DAGLA: variants seen among roughly 807,000 people sequenced by gnomAD.
DAGLA encodes diacylglycerol lipase-alpha.
In DAGLA, 22 loss-of-function variants were observed where a neutral mutation model predicts 102.6. The observed-to-expected ratio is 0.21, with a 90% confidence interval of 0.15 to 0.31. The LOEUF (loss-of-function observed/expected upper bound fraction) is 0.31. Among genes scored for constraint, DAGLA ranks in the 10% least tolerant of loss-of-function variants. DAGLA has a pLI of 1.00. For missense variants in DAGLA, 927 were observed against 1,446.6 expected, an observed-to-expected ratio of 0.64 and a Z score of 5.83; for synonymous variants, 578 against 628.9, an observed-to-expected ratio of 0.92 and a Z score of 1.21.
In DAGLA at chr11:61,743,934, G is replaced by C; in HGVS notation, c.2574G>C (p.Ala858=). Residue 858 remains alanine, a synonymous_variant, in exon 20 of 20, where the codon GCG becomes GCC. Coordinates refer to ENST00000257215, the MANE Select transcript of DAGLA (RefSeq NM_006133.3). ...KHSQDTQPLE[A]ALGSGGVTPE... ...CACAGGACACGCAGCCCCTGGAGGC[G>C]GCCCTGGGCAGTGGCGGCGTCACTC... is the stretch of plus-strand genomic sequence containing the variant. 6.2e-7 allele frequency: 1 copy of C among 1,612,066 alleles called. No homozygotes were observed. Among genetic ancestry groups the C allele is most frequent in the East Asian group, 2.2e-5 (1 of 44,870 alleles).
At chr11:61,742,050 A>C (rs921789654) in intron 19 of DAGLA, among the ~76,000 whole-genome samples, 2 of 152,234 alleles carry the variant, frequency 1.3e-5, no homozygotes, top group Non-Finnish European at 2.9e-5. Flanking sequence ...ACAGACATGC[A>C]CATGTACAAG....
At chr11:61,735,127 A>G in intron 10 of DAGLA, 125 bp downstream of exon 10, 1 of 1,150,246 alleles carries the variant, frequency 8.7e-7, no homozygotes, top group South Asian at 1.4e-5. Flanking sequence ...TGCAGCTTCC[A>G]GGCATCCCTA....
Position 61,743,818 on chromosome 11 carries a change from C to G in DAGLA, c.2458C>G (p.Leu820Val). 6.2e-7 allele frequency: 1 copy of G among 1,612,582 alleles called. No homozygotes were observed. Among genetic ancestry groups the G allele is most frequent in the Non-Finnish European group, 8.5e-7 (1 of 1,179,934 alleles). Residue 820 changes from leucine to valine, a missense_variant, in exon 20 of 20, where the codon CTC (leucine) becomes GTC (valine). This residue lies in a region of DAGLA where 434 missense variants were observed against 503.3 expected (regional missense o/e 0.86). Transcript: ENST00000257215. The part of the protein sequence containing the change: ...HAVLERDEGH[L>V]FYIDPAIPEE... ...TGTGCTGGAGCGTGATGAAGGCCAC[C>G]TCTTCTACATTGACCCTGCCATCCC...
In DAGLA at chr11:61,681,922, G is replaced by A. The variant is rs867843900; in HGVS notation, c.-45+1418G>A. ...CTCCTAGAGAAGTCTTACAGTGTAGGGGAAATCTTCAGTTCTTTGTGGATC... is the reference window on the plus strand; with the variant it reads ...CTCCTAGAGAAGTCTTACAGTGTAGAGGAAATCTTCAGTTCTTTGTGGATC... On this transcript the variant is annotated intron_variant, in intron 1 of 19. Coordinates refer to ENST00000257215, the MANE Select transcript of DAGLA (RefSeq NM_006133.3). Among the ~76,000 whole-genome samples the A allele has an allele frequency of 3.3e-5, 5 of 152,312 alleles. No individual in the cohort carries two copies. The Middle Eastern group carries it at 0.01, about 311-fold the overall frequency.
intron 6 of DAGLA, among the ~76,000 whole-genome samples, chr11:61,727,542 G>A (rs1382765799): frequency 6.6e-6 from 1 of 152,206 alleles, no homozygotes; most frequent in Non-Finnish European, 1.5e-5. Context: ...CTCCTGCCCT[G>A]AGGCCCAGAC....
At chr11:61,721,000 G>C in intron 3 of DAGLA, 110 bp downstream of exon 3, 1 of 1,043,028 alleles carries the variant, frequency 9.6e-7, no homozygotes, top group Non-Finnish European at 1.4e-6. Flanking sequence ...TTTAGCACTG[G>C]GGTACAGCAG....
At chr11:61,736,950 A>G (rs1233678044) in intron 13 of DAGLA, among the ~76,000 whole-genome samples, 1 of 152,270 alleles carries the variant, frequency 6.6e-6, no homozygotes, top group Non-Finnish European at 1.5e-5. Context: ...CCCCAAGGAC[A>G]TAACCTCTGA....
In DAGLA at chr11:61,742,925, A is replaced by G. The variant is rs11823230; in HGVS notation, c.2172-607A>G. Reference sequence around the variant, plus strand: ...CTCATTCTCACATTGGTACAATGACAGGGGTTCTGGTGCAGAGAACCCCAG... The same window carrying G: ...CTCATTCTCACATTGGTACAATGACGGGGGTTCTGGTGCAGAGAACCCCAG... On this transcript the variant is annotated intron_variant, in intron 19 of 19. Coordinates refer to ENST00000257215, the MANE Select transcript of DAGLA (RefSeq NM_006133.3). Among the ~76,000 whole-genome samples the G allele has an allele frequency of 4.6e-3, 695 of 152,208 alleles. 3 individuals carry two copies. Among genetic ancestry groups the G allele is most frequent in the African/African-American group, 0.016 (655 of 41,526 alleles).
chr11:61,714,710 G>A (rs943110261), intron 1 of DAGLA, among the ~76,000 whole-genome samples: 4 of 152,168 alleles, frequency 2.6e-5, no homozygotes, highest in Non-Finnish European at 5.9e-5. Flanking sequence ...GAAGAGCTAG[G>A]GCCTCTGTGT....
Position 61,743,918 on chromosome 11 carries a change from C to A in DAGLA, c.2558C>A (p.Thr853Lys), listed in dbSNP as rs376194108. ...ADSLSKHSQD[T>K]QPLEAALGSG... ...AGCCTGTCCAAGCACTCACAGGACA[C>A]GCAGCCCCTGGAGGCGGCCCTGGGC... Residue 853 changes from threonine to lysine, a missense_variant, in exon 20 of 20, where the codon ACG (threonine) becomes AAG (lysine). Physicochemically the swap from Thr to Lys is moderately conservative, Grantham distance 78. Around this residue, in one of 4 missense-constraint regions of DAGLA, gnomAD observed 434 missense variants for 503.3 expected, o/e 0.86. Coordinates refer to ENST00000257215, the MANE Select transcript of DAGLA (RefSeq NM_006133.3). The A allele has an allele frequency of 1.2e-6, 2 of 1,612,090 alleles. No individual in the cohort carries two copies. The highest frequency in any genetic ancestry group is 4.5e-5 in the East Asian group (2 of 44,884).
intron 1 of DAGLA, among the ~76,000 whole-genome samples, chr11:61,709,423 A>C (rs1300928953): frequency 6.6e-6 from 1 of 152,100 alleles, no homozygotes; most frequent in East Asian, 1.9e-4. Flanking sequence ...TTTTGTAGAG[A>C]CGGGGTTTCA....
chr11:61,692,892 A>T (rs201925495), intron 1 of DAGLA, among the ~76,000 whole-genome samples: 1 of 146,916 alleles, frequency 6.8e-6, no homozygotes, highest in Admixed American at 6.9e-5. Context: ...AAAAAAAAAA[A>T]TGGTAGATGC....
intron 16 of DAGLA, 38 bp from the exon 17 acceptor site, chr11:61,739,427 T>A (rs769729246): frequency 3.2e-5 from 51 of 1,594,574 alleles, no homozygotes; most frequent in Non-Finnish European, 3.9e-5. Context: ...CAGTGCTACT[T>A]AGCTCTGTCC....
At chr11:61,742,360 C>T (rs140205274) in intron 19 of DAGLA, among the ~76,000 whole-genome samples, 12 of 152,298 alleles carry the variant, frequency 7.9e-5, no homozygotes, top group Non-Finnish European at 1.5e-4. Context: ...CCTTCCCACA[C>T]AGGCCCTGTG....
intron 1 of DAGLA, among the ~76,000 whole-genome samples, chr11:61,714,708 A>G (rs2065222950): frequency 6.6e-6 from 1 of 152,204 alleles, no homozygotes; most frequent in Non-Finnish European, 1.5e-5. Context: ...GGGAAGAGCT[A>G]GGGCCTCTGT....
Position 61,728,587 on chromosome 11 carries a change from G to A in DAGLA, c.771+300G>A, listed in dbSNP as rs531414078. Among the ~76,000 whole-genome samples, 5 of 152,300 alleles carry A rather than the reference G, an allele frequency of 3.3e-5. No homozygotes were observed. In the East Asian group the frequency reaches 5.8e-4, roughly 18 times the overall value. On this transcript the variant is annotated intron_variant, in intron 7 of 19. Transcript: ENST00000257215. The stretch of plus-strand genomic sequence containing the variant: ...GGCTTAGTGGACGTGGTGAGCTCCC[G>A]AGTCGGTCTTCTGCGTGGCCGCTCC...
Position 61,737,600 on chromosome 11 carries a change from G to A in DAGLA, c.1515-87G>A, listed in dbSNP as rs1478329707. Reference sequence around the variant, plus strand: ...GAGCCATCCCAGGAGTGCAGGAGCAGGGCTTGCTTGTGGCTGGGCCCCCCG... The same window carrying A: ...GAGCCATCCCAGGAGTGCAGGAGCAAGGCTTGCTTGTGGCTGGGCCCCCCG... On this transcript the variant is annotated intron_variant, in intron 14 of 19. Transcript: ENST00000257215. The A allele has an allele frequency of 3.0e-6, 4 of 1,318,394 alleles. No homozygotes were observed. The East Asian group carries it at 9.3e-5, about 31-fold the overall frequency. 81.7% of individuals were successfully genotyped at this position (1,318,394 alleles called of 1,614,324 possible). A position where few individuals can be genotyped will look rare whatever the true frequency, so the allele number is the denominator to read the frequency against.
rs752995128 is a variant in DAGLA at position 61,737,759 on chromosome 11, A to T, written c.1583+4A>T. On this transcript the variant is annotated splice_donor_region_variant and intron_variant, in intron 15 of 19. Coordinates refer to ENST00000257215, the MANE Select transcript of DAGLA (RefSeq NM_006133.3). ...TGGGCAAAGACCTCGTCCCCAGGTG[A>T]GTCCTTGGCCCCGCTCCATGGTCCC... The T allele has an allele frequency of 6.2e-7, 1 of 1,613,664 alleles. No individual in the cohort carries two copies. The highest frequency in any genetic ancestry group is 8.5e-7 in the Non-Finnish European group (1 of 1,179,682).
intron 1 of DAGLA, among the ~76,000 whole-genome samples, chr11:61,709,406 G>A (rs956378666): frequency 3.9e-5 from 6 of 152,160 alleles, no homozygotes; most frequent in African/African-American, 9.7e-5. Flanking sequence ...ACCACGCCCC[G>A]CTAATTTTTT....
Sources: gnomAD v4.1 joint callset for allele counts (sites outside exome capture counted in the v4.1 genomes callset) on GRCh38, gnomAD v4.1.1 for gene constraint, gnomAD v4.1.1 regional missense constraint, MANE v1.5 for transcripts, NCBI Gene and HGNC (gene_info 2026-07-23, HGNC 2026-07-21) for gene names.